The following RPS6KA2 variants were observed in gnomAD, a reference collection of about 807,000 sequenced individuals.
RPS6KA2 encodes ribosomal protein S6 kinase A2, also known as ribosomal protein S6 kinase alpha-2.
A neutral mutation model predicts 91.8 loss-of-function variants in RPS6KA2; 42 were observed. The observed-to-expected ratio is 0.46, with a 90% CI of 0.36 to 0.59. RPS6KA2 has a LOEUF of 0.59. RPS6KA2 is among the 20% of genes least tolerant of loss of function. RPS6KA2 has a pLI of 0.00. For missense variants in RPS6KA2, 798 were observed against 978.5 expected (o/e 0.82, Z 2.46); for synonymous variants, 414 against 393.6 (o/e 1.05, Z -0.61).
chr6:166,503,320 G>A (rs59103567), intron 6 of RPS6KA2, among the ~76,000 whole-genome samples: 352 of 152,388 alleles, frequency 2.3e-3, no homozygotes, highest in African/African-American at 7.9e-3. Context: ...GCATCCTGCA[G>A]TGGATATGGG....
intron 2 of RPS6KA2, among the ~76,000 whole-genome samples, chr6:166,853,473 C>A (rs1335611121): frequency 6.6e-6 from 1 of 152,238 alleles, no homozygotes; most frequent in Non-Finnish European, 1.5e-5. Context: ...TGGAAGTGGA[C>A]AGGTGGGGCC....
chr6:166,448,968 G>A lies in RPS6KA2; in HGVS notation c.1207-119C>T, dbSNP rs2128454497. 8.6e-6 allele frequency: 11 copies of A among 1,273,538 alleles called. No homozygotes were observed. Among genetic ancestry groups the A allele is most frequent in the Non-Finnish European group, 1.2e-5 (11 of 909,562 alleles). 78.9% of individuals were successfully genotyped at this position (1,273,538 alleles called of 1,614,324 possible). A position where few individuals can be genotyped will look rare whatever the true frequency, so the allele number is the denominator to read the frequency against. On this transcript the variant is annotated intron_variant, in intron 13 of 20. Coordinates refer to ENST00000265678, the MANE Select transcript of RPS6KA2 (RefSeq NM_021135.6). The surrounding 1 kb of genome is among the most constrained non-coding windows in gnomAD (Gnocchi z 4.7). ...ACCGACTGTGAACTGAGTGTGTGGA[G>A]GCCTGGGAGCTCATGGGTCCCCCTG...
At position 166,418,716 on chromosome 6, in the gene RPS6KA2, G is replaced by A. The variant is rs1006838821; in HGVS notation, c.1821-374C>T. On this transcript the variant is annotated intron_variant, in intron 18 of 20. Transcript: ENST00000265678. The surrounding 1 kb of genome is among the most constrained non-coding windows in gnomAD (Gnocchi z 4.9). ...CGTGGAGTCTGAGAGACCCACGGTG[G>A]ATGTATTCCCAACTCTGTGTTCTTT... Among the ~76,000 whole-genome samples the A allele has an allele frequency of 3.3e-5, 5 of 152,226 alleles. No individual in the cohort carries two copies. The highest frequency in any genetic ancestry group is 1.2e-4 in the African/African-American group (5 of 41,448).
In RPS6KA2 at chr6:166,500,421, G is replaced by A. The variant is rs931236416; in HGVS notation, c.604+466C>T. Among the ~76,000 whole-genome samples the A allele has an allele frequency of 4.6e-5, 7 of 152,190 alleles. No homozygotes were observed. Among genetic ancestry groups the A allele is most frequent in the African/African-American group, 1.2e-4 (5 of 41,438 alleles). On this transcript the variant is annotated intron_variant, in intron 7 of 20. Coordinates refer to ENST00000265678, the MANE Select transcript of RPS6KA2 (RefSeq NM_021135.6). This position sits in a 1 kb window ranked among gnomAD's most constrained non-coding sequence, Gnocchi z 4.3. ...AGGGAAGTCACGTGGCCACCACCAC[G>A]GTCCAGGGAGTGAGAAGGAGGCAGG...
At chr6:166,708,714 T>G (rs535485364) in intron 2 of RPS6KA2, among the ~76,000 whole-genome samples, 1 of 152,352 alleles carries the variant, frequency 6.6e-6, no homozygotes, top group Admixed American at 6.5e-5. Flanking sequence ...CCTTTACTAG[T>G]ACTATTTACA....
At position 166,423,096 on chromosome 6, in the gene RPS6KA2, T is replaced by C. The variant is rs1778781634; in HGVS notation, c.1743+160A>G. Among the ~76,000 whole-genome samples, 1 of 152,262 alleles carries C rather than the reference T, an allele frequency of 6.6e-6. No homozygotes were observed. Among genetic ancestry groups the C allele is most frequent in the Non-Finnish European group, 1.5e-5 (1 of 68,052 alleles). ...CGTTTAAGCAAGATTGGCCCCTGGC[T>C]CAAGAGACTGAAGGTTCTCGTTTCT... is the stretch of plus-strand genomic sequence containing the variant. On this transcript the variant is annotated intron_variant, in intron 17 of 20. Transcript: ENST00000265678. The surrounding 1 kb of genome is among the most constrained non-coding windows in gnomAD (Gnocchi z 4.8).
At chr6:166,427,586 T>G (rs967710728) in intron 16 of RPS6KA2, among the ~76,000 whole-genome samples, 21 of 152,230 alleles carry the variant, frequency 1.4e-4, no homozygotes, top group African/African-American at 5.1e-4. Flanking sequence ...TTTAAGCTGA[T>G]AAGCAACTTC....
chr6:166,495,421 C>T lies in RPS6KA2; in HGVS notation c.747+3087G>A, dbSNP rs914872276. ...GAAATGTCCTGTGCCCAGGGAGGCA[C>T]GTGGGAGGAGAGTGCCTGCTGTGTT... On this transcript the variant is annotated intron_variant, in intron 8 of 20. Transcript: ENST00000265678. This position sits in a 1 kb window ranked among gnomAD's most constrained non-coding sequence, Gnocchi z 4.4. Among the ~76,000 whole-genome samples, 12 of 152,162 alleles carry T rather than the reference C, an allele frequency of 7.9e-5. No homozygotes were observed. Among genetic ancestry groups the T allele is most frequent in the African/African-American group, 2.4e-4 (10 of 41,426 alleles).
rs1327083660 is a variant in RPS6KA2 at position 166,495,477 on chromosome 6, C to T, written c.747+3031G>A. 6.6e-6 allele frequency among the ~76,000 whole-genome samples: 1 copy of T among 152,182 alleles called. No homozygotes were observed. The highest frequency in any genetic ancestry group is 6.5e-5 in the Admixed American group (1 of 15,282). On this transcript the variant is annotated intron_variant, in intron 8 of 20. Coordinates refer to ENST00000265678, the MANE Select transcript of RPS6KA2 (RefSeq NM_021135.6). This position sits in a 1 kb window ranked among gnomAD's most constrained non-coding sequence, Gnocchi z 4.4. ...GCCGGGCAGCGCTGGGCCAGGCCTC[C>T]TTCAGAAGCTCTCAATATCATCTTC...
chr6:166,653,577 C>G (rs998904927), intron 2 of RPS6KA2, among the ~76,000 whole-genome samples: 2 of 152,202 alleles, frequency 1.3e-5, no homozygotes, highest in African/African-American at 4.8e-5. Flanking sequence ...TTACTAATAA[C>G]CAGAAATACA....
chr6:166,713,278 C>T (rs575783692), intron 2 of RPS6KA2, among the ~76,000 whole-genome samples: 6 of 152,280 alleles, frequency 3.9e-5, no homozygotes, highest in Admixed American at 6.5e-5. Flanking sequence ...GGCCCATAGC[C>T]GGGTTTTCAC....
rs1336147732 is a variant in RPS6KA2 at position 166,419,743 on chromosome 6, C to T, written c.1820+139G>A. On this transcript the variant is annotated intron_variant, in intron 18 of 20. Coordinates refer to ENST00000265678, the MANE Select transcript of RPS6KA2 (RefSeq NM_021135.6). The surrounding 1 kb of genome is among the most constrained non-coding windows in gnomAD (Gnocchi z 5.6). ...AAAGTCTGCGAGTGTTCACTCAAGGCCTGGGAGTGTTTGCATACACGTTGG... is the reference window on the plus strand; with the variant it reads ...AAAGTCTGCGAGTGTTCACTCAAGGTCTGGGAGTGTTTGCATACACGTTGG... The T allele has an allele frequency of 1.5e-6, 1 of 669,360 alleles. No homozygotes were observed. Among genetic ancestry groups the T allele is most frequent in the Non-Finnish European group, 2.7e-6 (1 of 371,360 alleles). The allele number at this position is 669,360 out of a possible 1,614,324, so 41.5% of individuals were successfully genotyped here.
chr6:166,451,192 A>G lies in RPS6KA2; in HGVS notation c.1117T>C (p.Phe373Leu). ...GAGGCCACAAAGCTGAATCCTCTAAACAGGTGATGAGCGTTTGCACTCGGG... is the reference window on the plus strand; with the variant it reads ...GAGGCCACAAAGCTGAATCCTCTAAGCAGGTGATGAGCGTTTGCACTCGGG... Reference protein sequence around the residue: ...VPPSANAHHLFRGFSFVASSL... With the variant: ...VPPSANAHHLLRGFSFVASSL... The change falls in exon 13 of 21, where the codon TTT becomes CTT. Residue 373 changes from phenylalanine (F) to leucine (L), a missense_variant. Physicochemically the swap from Phe to Leu is conservative, Grantham distance 22. Coordinates refer to ENST00000265678, the MANE Select transcript of RPS6KA2 (RefSeq NM_021135.6). 1 of 1,614,012 alleles carries G rather than the reference A, an allele frequency of 6.2e-7. No homozygotes were observed. The highest frequency in any genetic ancestry group is 8.5e-7 in the Non-Finnish European group (1 of 1,179,970).
At chr6:166,596,948 C>T (rs746146576) in intron 1 of RPS6KA2, among the ~76,000 whole-genome samples, 61 of 152,056 alleles carry the variant, frequency 4.0e-4, no homozygotes, top group Non-Finnish European at 7.4e-4. Flanking sequence ...TTCGAGGGGA[C>T]TGTGGTGATT....
chr6:166,805,579 A>G (rs1228403292), intron 2 of RPS6KA2, among the ~76,000 whole-genome samples: 2 of 152,356 alleles, frequency 1.3e-5, no homozygotes, highest in East Asian at 3.9e-4. Flanking sequence ...GCAAATACCT[A>G]AAGTCTACAT....
intron 1 of RPS6KA2, chr6:166,858,298 C>A: frequency 7.9e-7 from 1 of 1,260,454 alleles, no homozygotes; most frequent in Non-Finnish European, 1.1e-6. Flanking sequence ...GTTAGCATTG[C>A]CATGTGTTTG....
chr6:166,462,330 C>A (rs1487488896), intron 11 of RPS6KA2, among the ~76,000 whole-genome samples: 1 of 152,218 alleles, frequency 6.6e-6, no homozygotes, highest in Non-Finnish European at 1.5e-5. Context: ...TCCTCGTCCA[C>A]CGATGGGGCA....
intron 1 of RPS6KA2, among the ~76,000 whole-genome samples, chr6:166,541,762 G>C (rs1783663532): frequency 6.6e-6 from 1 of 152,146 alleles, no homozygotes; most frequent in African/African-American, 2.4e-5. Flanking sequence ...CTTCGACGCA[G>C]ATATCTCATA....
chr6:166,672,847 C>G lies in RPS6KA2; in HGVS notation c.124-134063G>C, dbSNP rs539757415. ...TATTGCCTCTCCAAAGGGAAGGAAGCCTTCCCCTTGGCTGAAAGAGAGGCA... is the reference window on the plus strand; with the variant it reads ...TATTGCCTCTCCAAAGGGAAGGAAGGCTTCCCCTTGGCTGAAAGAGAGGCA... On this transcript the variant is annotated intron_variant, in intron 2 of 21. Coordinates refer to the RPS6KA2 transcript ENST00000503859. Among the ~76,000 whole-genome samples the G allele has an allele frequency of 2.6e-5, 4 of 152,296 alleles. No homozygotes were observed. The South Asian group carries it at 8.3e-4, about 32-fold the overall frequency.
Sources: allele counts gnomAD v4.1 joint callset (sites outside exome capture counted in the v4.1 genomes callset), GRCh38; gene constraint gnomAD v4.1.1; non-coding constraint Gnocchi (gnomAD v3.1); transcripts MANE v1.5; gene names NCBI Gene and HGNC (gene_info 2026-07-23, HGNC 2026-07-21).